The following PDE10A variants were observed in gnomAD, a reference collection of about 807,000 sequenced individuals.
PDE10A encodes cAMP and cAMP-inhibited cGMP 3',5'-cyclic phosphodiesterase 10A.
PDE10A carries 39 observed loss-of-function variants against 97.7 expected under a neutral mutation model. That is an observed-to-expected ratio of 0.40 (90% CI 0.31 to 0.52). The LOEUF (loss-of-function observed/expected upper bound fraction) is 0.52, where lower values mean the gene tolerates loss of function less well. PDE10A is among the 20% of genes least tolerant of loss of function. The probability of loss-of-function intolerance (pLI) is 0.56; values close to 1 mark genes in which losing one functional copy is unlikely to be tolerated. For missense variants in PDE10A, 731 were observed against 1,047.8 expected (o/e 0.70, Z 4.17); for synonymous variants, 371 against 376.8 (o/e 0.98, Z 0.18).
chr6:165,506,766 T>C (rs763897740), intron 2 of PDE10A, among the ~76,000 whole-genome samples: 2 of 152,156 alleles, frequency 1.3e-5, no homozygotes, highest in Non-Finnish European at 2.9e-5. Context: ...AGCTTTTTAT[T>C]TGTAGAGTAT....
intron 1 of PDE10A, among the ~76,000 whole-genome samples, chr6:165,858,361 G>A (rs1376764092): frequency 6.6e-6 from 1 of 152,326 alleles, no homozygotes; most frequent in East Asian, 1.9e-4. Flanking sequence ...GGGAGGCACT[G>A]GGAACTGAGA....
intron 3 of PDE10A, among the ~76,000 whole-genome samples, chr6:165,479,248 C>A (rs562333347): frequency 6.6e-6 from 1 of 152,304 alleles, no homozygotes; most frequent in East Asian, 1.9e-4. Context: ...TCCTCCCCTG[C>A]CTACACTCCT....
At chr6:165,621,771 A>AAAAAGAAGAAG (rs1554297072) in intron 1 of PDE10A, among the ~76,000 whole-genome samples, 4 of 134,684 alleles carry the variant, frequency 3.0e-5, no homozygotes, top group African/African-American at 1.1e-4. Context: ...AAGAAAAAAA[A>AAAAAGAAGAAG]AAGAAGAAGA....
intron 17 of PDE10A, among the ~76,000 whole-genome samples, chr6:165,384,072 C>T (rs1414162285): frequency 6.6e-6 from 1 of 152,066 alleles, no homozygotes; most frequent in Admixed American, 6.6e-5. Context: ...GGAAATTATT[C>T]CAGAGGCCCC....
rs180881792 is a variant in PDE10A at position 165,438,099 on chromosome 6, T to A, written c.1195-2722A>T. Reference sequence around the variant, plus strand: ...TCCACAGATACTGTCAAGTAGGATGTCATGGGCTGAATCATTATCACTTTT... The same window carrying A: ...TCCACAGATACTGTCAAGTAGGATGACATGGGCTGAATCATTATCACTTTT... On this transcript the variant is annotated intron_variant, in intron 5 of 21. Transcript: ENST00000539869. Among the ~76,000 whole-genome samples, 39 of 152,340 alleles carry A rather than the reference T, an allele frequency of 2.6e-4. No individual in the cohort carries two copies. In the South Asian group the frequency reaches 5.6e-3, roughly 22 times the overall value.
chr6:165,416,737 CACA>C (rs773340875), intron 11 of PDE10A, among the ~76,000 whole-genome samples: 58 of 152,150 alleles, frequency 3.8e-4, no homozygotes, highest in Non-Finnish European at 4.4e-5. Flanking sequence ...CTTTCTACCA[CACA>C]TATAACCAAA....
chr6:165,435,148 T>C (rs1179202488), intron 6 of PDE10A, 89 bp downstream of exon 6: 4 of 1,162,768 alleles, frequency 3.4e-6, no homozygotes, highest in East Asian at 4.7e-5. Flanking sequence ...AATGAAACTA[T>C]TTAAATTATA....
At chr6:165,958,694 GAGAA>G (rs5881669) in intron 1 of PDE10A, among the ~76,000 whole-genome samples, 1,031 of 81,004 alleles carry the variant, frequency 0.013, 2 homozygotes, top group Middle Eastern at 0.032. Flanking sequence ...AAGAAAGAAA[GAGAA>G]AGAAAGAAAG....
At chr6:165,890,539 T>C (rs1781763778) in intron 1 of PDE10A, among the ~76,000 whole-genome samples, 1 of 152,170 alleles carries the variant, frequency 6.6e-6, no homozygotes, top group South Asian at 2.1e-4. Context: ...CCTCTGCTTA[T>C]GACAAAAACA....
intron 5 of PDE10A, among the ~76,000 whole-genome samples, chr6:165,439,040 T>C (rs1212442706): frequency 6.6e-6 from 1 of 151,966 alleles, no homozygotes; most frequent in Non-Finnish European, 1.5e-5. Flanking sequence ...TAATAAATGA[T>C]TAACGTAAAT....
intron 1 of PDE10A, among the ~76,000 whole-genome samples, chr6:165,676,300 T>C (rs1790794186): frequency 1.3e-5 from 2 of 152,198 alleles, no homozygotes; most frequent in South Asian, 2.1e-4. Flanking sequence ...ATTTGGGCAA[T>C]GGCCACACTA....
At chr6:165,867,735 T>C (rs1781099263) in intron 1 of PDE10A, among the ~76,000 whole-genome samples, 1 of 152,072 alleles carries the variant, frequency 6.6e-6, no homozygotes. Context: ...ATTCTCCTTA[T>C]CAGCACATAG....
At chr6:165,567,010 A>G (rs1256316577) in intron 1 of PDE10A, among the ~76,000 whole-genome samples, 1 of 152,246 alleles carries the variant, frequency 6.6e-6, no homozygotes, top group Non-Finnish European at 1.5e-5. Flanking sequence ...TATTCAAGAA[A>G]GCACTATTTA....
chr6:165,784,716 G>C lies in PDE10A; in HGVS notation c.-615+202813C>G, dbSNP rs537032113. Reference sequence around the variant, plus strand: ...AAAACTATGGGTATTGGGACAGCCAGAGACACTGAGACAAGCTAGATGGAA... The same window carrying C: ...AAAACTATGGGTATTGGGACAGCCACAGACACTGAGACAAGCTAGATGGAA... On this transcript the variant is annotated intron_variant, in intron 1 of 19. Coordinates refer to the PDE10A transcript ENST00000366882. Among the ~76,000 whole-genome samples the C allele has an allele frequency of 7.2e-5, 11 of 152,320 alleles. No homozygotes were observed. In the East Asian group the frequency reaches 2.1e-3, roughly 29 times the overall value.
chr6:165,389,843 C>G (rs1187611389), intron 16 of PDE10A, among the ~76,000 whole-genome samples: 1 of 152,134 alleles, frequency 6.6e-6, no homozygotes, highest in Non-Finnish European at 1.5e-5. Flanking sequence ...TAAAATAAAT[C>G]ATCCAGCAAT....
intron 2 of PDE10A, among the ~76,000 whole-genome samples, chr6:165,487,124 G>A (rs1020506517): frequency 2.6e-5 from 4 of 152,212 alleles, no homozygotes; most frequent in Non-Finnish European, 5.9e-5. Context: ...GCTTGAGATG[G>A]CAAATGACAG....
chr6:165,604,183 A>G (rs1447834540), intron 1 of PDE10A, among the ~76,000 whole-genome samples: 2 of 152,194 alleles, frequency 1.3e-5, no homozygotes, highest in Non-Finnish European at 2.9e-5. Flanking sequence ...AACTCTTAAC[A>G]GTAAATTTGT....
At chr6:165,956,267 T>C in intron 1 of PDE10A, among the ~76,000 whole-genome samples, 1 of 152,320 alleles carries the variant, frequency 6.6e-6, no homozygotes, top group East Asian at 1.9e-4. Context: ...ACCCAAATAC[T>C]ATTATTTATT....
intron 17 of PDE10A, among the ~76,000 whole-genome samples, chr6:165,384,668 GTAT>G (rs142528828): frequency 4.0e-5 from 2 of 50,552 alleles, no homozygotes; most frequent in Admixed American, 2.2e-4. Context: ...GTGTGTGTGT[GTAT>G]GGGGGGGGGC....
Sources: gnomAD v4.1 joint callset for allele counts (sites outside exome capture counted in the v4.1 genomes callset) on GRCh38, gnomAD v4.1.1 for gene constraint, MANE v1.5 for transcripts, NCBI Gene and HGNC (gene_info 2026-07-23, HGNC 2026-07-21) for gene names.